The following PCDH15 variants were observed in gnomAD, a reference collection of about 807,000 sequenced individuals.
PCDH15 encodes protocadherin-15.
PCDH15 carries 129 observed loss-of-function variants against 178.5 expected under a neutral mutation model. The ratio of observed to expected loss-of-function variants is 0.72; its 90% CI spans 0.63 to 0.84. The LOEUF is 0.84. Ranked by LOEUF, PCDH15 falls within the 40% of genes least tolerant of loss-of-function variation. The pLI is 0.00. For synonymous variants in PCDH15, 800 were observed against 732.0 expected, an observed-to-expected ratio of 1.09 and a Z score of -1.50; for missense variants, 2,230 against 2,099.9, an observed-to-expected ratio of 1.06 and a Z score of -1.21.
chr10:54,385,407 G>A (rs1284354055), intron 3 of PCDH15, among the ~76,000 whole-genome samples: 4 of 152,074 alleles, frequency 2.6e-5, no homozygotes, highest in African/African-American at 9.7e-5. Flanking sequence ...TAGGTAATTT[G>A]CTTCTGGAAA....
chr10:55,507,126 A>G (rs1488473189), intron 2 of PCDH15, among the ~76,000 whole-genome samples: 6 of 151,762 alleles, frequency 4.0e-5, no homozygotes, highest in Admixed American at 2.6e-4. Context: ...AAAGCCACAT[A>G]ATTTTTATAA....
intron 2 of PCDH15, among the ~76,000 whole-genome samples, chr10:54,577,612 T>C (rs1390733959): frequency 6.6e-6 from 1 of 152,016 alleles, no homozygotes; most frequent in Non-Finnish European, 1.5e-5. Context: ...AATAATTAAA[T>C]TAAAAACAAA....
chr10:53,927,717 A>AG lies in PCDH15; in HGVS notation c.3373+11097dup, dbSNP rs1027638498. On this transcript the variant is annotated intron_variant, in intron 25 of 37. Coordinates refer to ENST00000644397, the MANE Select transcript of PCDH15 (RefSeq NM_001384140.1). ...TCTGAAATACATCTTTCATCTTCAT[A>AG]GTGTTATCTATACTATTCTCTTCTT... is the stretch of plus-strand genomic sequence containing the variant. Among the ~76,000 whole-genome samples, 29 of 152,126 alleles carry AG rather than the reference A, an allele frequency of 1.9e-4. 1 individual carries two copies.
chr10:55,394,363 A>C (rs1837872752), intron 2 of PCDH15, among the ~76,000 whole-genome samples: 1 of 151,296 alleles, frequency 6.6e-6, no homozygotes, highest in Non-Finnish European at 1.5e-5. Context: ...AGTCTATTTG[A>C]AAGCAAATCC....
At chr10:54,989,853 T>G (rs573649270) in intron 2 of PCDH15, among the ~76,000 whole-genome samples, 1 of 152,274 alleles carries the variant, frequency 6.6e-6, no homozygotes, top group South Asian at 2.1e-4. Context: ...TCTTGCATTC[T>G]CACATCTTGT....
chr10:53,984,920 A>T (rs1436268727), intron 21 of PCDH15, among the ~76,000 whole-genome samples: 3 of 152,172 alleles, frequency 2.0e-5, no homozygotes, highest in Non-Finnish European at 2.9e-5. Flanking sequence ...GTCAACAGAC[A>T]TGAAGAACTG....
chr10:55,409,885 T>G (rs1838291503), intron 2 of PCDH15, among the ~76,000 whole-genome samples: 1 of 152,090 alleles, frequency 6.6e-6, no homozygotes, highest in Admixed American at 6.6e-5. Context: ...AAAGAGAAAT[T>G]TGTGCTTACA....
At chr10:54,590,339 C>A (rs540688353) in intron 2 of PCDH15, among the ~76,000 whole-genome samples, 7 of 152,254 alleles carry the variant, frequency 4.6e-5, no homozygotes, top group Non-Finnish European at 1.0e-4. Flanking sequence ...CTGATTTTAT[C>A]ATCCCTTGCT....
At chr10:55,461,177 G>A (rs111445048) in intron 2 of PCDH15, among the ~76,000 whole-genome samples, 21 of 152,194 alleles carry the variant, frequency 1.4e-4, no homozygotes, top group African/African-American at 4.6e-4. Flanking sequence ...CTTTCTCTCC[G>A]TATGGCCTTC....
chr10:54,040,570 T>C (rs1043067301), intron 18 of PCDH15, among the ~76,000 whole-genome samples: 2 of 152,002 alleles, frequency 1.3e-5, no homozygotes, highest in African/African-American at 4.8e-5. Flanking sequence ...TTACTAAATG[T>C]GTTCTGTGAA....
At chr10:54,736,556 GT>G (rs1244507286) in intron 1 of PCDH15, among the ~76,000 whole-genome samples, 1 of 151,942 alleles carries the variant, frequency 6.6e-6, no homozygotes, top group Non-Finnish European at 1.5e-5. Flanking sequence ...TAAAATTCAT[GT>G]TTCTAACAAA....
chr10:53,847,554 C>A (rs2078056399), intron 28 of PCDH15, among the ~76,000 whole-genome samples: 1 of 152,036 alleles, frequency 6.6e-6, no homozygotes, highest in Non-Finnish European at 1.5e-5. Flanking sequence ...TGTGGTATCC[C>A]ACAAGATAAA....
chr10:54,822,036 A>G (rs3911315), intron 3 of PCDH15, among the ~76,000 whole-genome samples: 13,732 of 152,174 alleles, frequency 0.09, 717 homozygotes, highest in South Asian at 0.14. Flanking sequence ...TTATAAGGAT[A>G]CATAATAGTT....
intron 1 of PCDH15, among the ~76,000 whole-genome samples, chr10:54,792,806 ATTCATTC>A (rs1951547673): frequency 4.0e-5 from 6 of 151,834 alleles, no homozygotes; most frequent in African/African-American, 1.5e-4. Context: ...CTAATTTCCT[ATTCATTC>A]TGTATCTCCA....
At chr10:55,133,176 T>G (rs73259831) in intron 2 of PCDH15, among the ~76,000 whole-genome samples, 22,717 of 152,102 alleles carry the variant, frequency 0.15, 2,738 homozygotes, top group African/African-American at 0.33. Flanking sequence ...TTATTAAAAA[T>G]ATTAAATGAA....
intron 26 of PCDH15, among the ~76,000 whole-genome samples, chr10:53,892,056 T>TCTCG (rs2081604475): frequency 7.7e-6 from 1 of 130,388 alleles, no homozygotes; most frequent in Non-Finnish European, 1.5e-5. Context: ...CAAGACAGAG[T>TCTCG]CTCTGTCGCC....
intron 2 of PCDH15, among the ~76,000 whole-genome samples, chr10:55,558,083 C>T (rs1317410373): frequency 6.6e-6 from 1 of 151,924 alleles, no homozygotes; most frequent in Non-Finnish European, 1.5e-5. Flanking sequence ...ATTAGATGGC[C>T]TAGTGCTGGC....
chr10:53,969,201 T>C (rs7476991), intron 21 of PCDH15, among the ~76,000 whole-genome samples: 118,013 of 151,894 alleles, frequency 0.78, 46,175 homozygotes, highest in East Asian at 1. Context: ...ACGAGAACTA[T>C]CTGAGGCATG....
At chr10:55,013,195 C>A (rs1292551235) in intron 2 of PCDH15, among the ~76,000 whole-genome samples, 4 of 152,104 alleles carry the variant, frequency 2.6e-5, no homozygotes, top group Non-Finnish European at 5.9e-5. Flanking sequence ...TCTACATTTC[C>A]CATCTGGATG....
Sources: gnomAD v4.1 joint callset for allele counts (sites outside exome capture counted in the v4.1 genomes callset) on GRCh38, gnomAD v4.1.1 for gene constraint, MANE v1.5 for transcripts, NCBI Gene and HGNC (gene_info 2026-07-23, HGNC 2026-07-21) for gene names.